The following HECTD4 variants were observed in gnomAD, a reference collection of about 807,000 sequenced individuals.
HECTD4 encodes the protein HECT domain E3 ubiquitin protein ligase 4.
In HECTD4, 114 loss-of-function variants were observed where a neutral mutation model predicts 471.5. The observed-to-expected ratio is 0.24, with a 90% CI of 0.21 to 0.28. The LOEUF is 0.28. HECTD4 is among the 10% of genes least tolerant of loss of function. The pLI is 1.00. For synonymous variants in HECTD4, 2,012 were observed against 2,256.0 expected (o/e 0.89, Z 3.07); for missense variants, 3,866 against 5,651.5 (o/e 0.68, Z 10.13).
rs763409684 is a variant in HECTD4 at position 112,239,042 on chromosome 12, G to A, written c.5290+10C>T. ...ATCAGTGAGCTCTAGAAAGGAGTCT[G>A]GCATCTCACCTTCCTCTTTTTCCCA... is the stretch of plus-strand genomic sequence containing the variant. On this transcript the variant is annotated intron_variant, in intron 34 of 75. Transcript: ENST00000682272. This position sits in a 1 kb window ranked among gnomAD's most constrained non-coding sequence, Gnocchi z 4.9. 4 of 1,605,076 alleles carry A rather than the reference G, an allele frequency of 2.5e-6. No homozygotes were observed. The highest frequency in any genetic ancestry group is 3.4e-6 in the Non-Finnish European group (4 of 1,175,776).
intron 1 of HECTD4, among the ~76,000 whole-genome samples, chr12:112,370,603 T>A (rs2036647573): frequency 6.6e-6 from 1 of 152,100 alleles, no homozygotes; most frequent in African/African-American, 2.4e-5. Flanking sequence ...AAATAGAATG[T>A]GTTATATACA....
chr12:112,234,171 A>G (rs938251178), intron 37 of HECTD4, among the ~76,000 whole-genome samples: 1 of 152,202 alleles, frequency 6.6e-6, no homozygotes, highest in African/African-American at 2.4e-5. Context: ...TCAAACTATT[A>G]AACTTTCTTA....
At chr12:112,268,478 AGGCGTGGT>A (rs2034330497) in intron 13 of HECTD4, among the ~76,000 whole-genome samples, 1 of 152,182 alleles carries the variant, frequency 6.6e-6, no homozygotes, top group African/African-American at 2.4e-5. Flanking sequence ...TGCTGAGGCC[AGGCGTGGT>A]GGCTCACACC....
chr12:112,225,327 CA>C (rs201230586), intron 44 of HECTD4, among the ~76,000 whole-genome samples: 3,122 of 61,326 alleles, frequency 0.051, 74 homozygotes, highest in African/African-American at 0.14. Context: ...TTTAAAAGAC[CA>C]AAAAAAAAAA....
chr12:112,324,308 G>A (rs1594045614), intron 1 of HECTD4, among the ~76,000 whole-genome samples: 1 of 150,542 alleles, frequency 6.6e-6, no homozygotes, highest in East Asian at 2.0e-4. Context: ...TTGTAGAGAT[G>A]GGGGTCTCCC....
rs754772382 is a variant in HECTD4, at chr12:112,228,864, T to C, written c.6520-53A>G. ...CAACCAGCTCTGACGTGTGGGCAGC[T>C]GTCTTACGAGACAAGAGGAAAAAGT... On this transcript the variant is annotated intron_variant, in intron 41 of 75. Transcript: ENST00000682272. The surrounding 1 kb of genome is among the most constrained non-coding windows in gnomAD (Gnocchi z 4.9). 44 of 1,538,486 alleles carry C rather than the reference T, an allele frequency of 2.9e-5. No homozygotes were observed. Among genetic ancestry groups the C allele is most frequent in the Non-Finnish European group, 3.6e-5 (41 of 1,129,770 alleles).
intron 5 of HECTD4, among the ~76,000 whole-genome samples, chr12:112,309,281 T>C (rs1286961222): frequency 3.3e-5 from 5 of 152,214 alleles, no homozygotes; most frequent in African/African-American, 1.2e-4. Context: ...TCACTGATAT[T>C]GTTACAAAAA....
chr12:112,244,163 T>A (rs1298321179), intron 29 of HECTD4, among the ~76,000 whole-genome samples, 154 bp from the exon 30 acceptor site: 1 of 152,168 alleles, frequency 6.6e-6, no homozygotes, highest in Admixed American at 6.5e-5. Flanking sequence ...GGTTTTTACA[T>A]CAATTTTTTA....
chr12:112,270,668 C>A (rs1176279706), intron 11 of HECTD4, among the ~76,000 whole-genome samples: 1 of 152,170 alleles, frequency 6.6e-6, no homozygotes, highest in African/African-American at 2.4e-5. Context: ...ACATAAGTAG[C>A]TACCACTTCC....
chr12:112,371,886 CAAAAAAAAAAAAA>C (rs535844706), intron 1 of HECTD4, among the ~76,000 whole-genome samples: 2 of 57,254 alleles, frequency 3.5e-5, no homozygotes, highest in South Asian at 1.2e-3. Flanking sequence ...AACTCTGTCT[CAAAAAAAAAAAAA>C]AAAAAAAAGA....
At chr12:112,359,176 C>T (rs984997311) in intron 1 of HECTD4, among the ~76,000 whole-genome samples, 1 of 151,022 alleles carries the variant, frequency 6.6e-6, no homozygotes, top group African/African-American at 2.4e-5. Flanking sequence ...GAGCAAGACT[C>T]CGTCTCAAAA....
rs1308094667 is a variant in HECTD4, at chr12:112,186,323, T to A, written c.9473-830A>T. On this transcript the variant is annotated intron_variant, in intron 60 of 75. Transcript: ENST00000682272. Reference sequence around the variant, plus strand: ...GGCATATTCTTTTTTTTTTTTTTTTTTAATTATTTTTTTAATAATTTTTTT... The same window carrying A: ...GGCATATTCTTTTTTTTTTTTTTTTATAATTATTTTTTTAATAATTTTTTT... Among the ~76,000 whole-genome samples, 7 of 148,112 alleles carry A rather than the reference T, an allele frequency of 4.7e-5. No individual in the cohort carries two copies. In the East Asian group the frequency reaches 9.9e-4, roughly 21 times the overall value.
chr12:112,308,798 A>G lies in HECTD4; in HGVS notation c.1119T>C (p.Asn373=). 1 of 1,536,058 alleles carries G rather than the reference A, an allele frequency of 6.5e-7. No individual in the cohort carries two copies. The highest frequency in any genetic ancestry group is 2.4e-5 in the East Asian group (1 of 40,922). ...SLLHRPVSFD[N]KPHSLFQVID... is the part of the protein sequence containing the mutation. ...TGACCTGGAAAAGGGAGTGAGGTTT[A>G]TTATCGAAAGAGACAGGCCGGTGGA... Residue 373 remains asparagine (N), a synonymous_variant, in exon 6 of 76, where the codon AAT becomes AAC. Coordinates refer to ENST00000682272, the MANE Select transcript of HECTD4 (RefSeq NM_001388303.1).
intron 1 of HECTD4, among the ~76,000 whole-genome samples, chr12:112,363,149 TA>T (rs1441039455): frequency 6.6e-6 from 1 of 152,194 alleles, no homozygotes; most frequent in African/African-American, 2.4e-5. Context: ...TATTAAATCT[TA>T]AAACTTCTGT....
In HECTD4 at chr12:112,257,448, T is replaced by C. The variant is rs538940601; in HGVS notation, c.3129-930A>G. Among the ~76,000 whole-genome samples the C allele has an allele frequency of 3.2e-4, 48 of 152,348 alleles. 1 individual carries two copies. The highest frequency in any genetic ancestry group is 1.1e-3 in the African/African-American group (47 of 41,576). On this transcript the variant is annotated intron_variant, in intron 20 of 75. Coordinates refer to ENST00000682272, the MANE Select transcript of HECTD4 (RefSeq NM_001388303.1). Reference sequence around the variant, plus strand: ...CATAACTGACATAATAAATTGCACATATTTAAAACATACAACTTGATAAGT... The same window carrying C: ...CATAACTGACATAATAAATTGCACACATTTAAAACATACAACTTGATAAGT...
rs767293558 is a variant in HECTD4, at chr12:112,371,515, T to TA, written c.177+10436dup. 1.7e-4 allele frequency among the ~76,000 whole-genome samples: 25 copies of TA among 151,324 alleles called. No homozygotes were observed. The East Asian group carries it at 4.8e-3, about 29-fold the overall frequency. Reference sequence around the variant, plus strand: ...GCTTGAACCCAAGAGGCGGAGGTTTTAGTGAGCCGAGATCACGCCATTGCA... The same window carrying TA: ...GCTTGAACCCAAGAGGCGGAGGTTTTAAGTGAGCCGAGATCACGCCATTGCA... On this transcript the variant is annotated intron_variant, in intron 1 of 75. Coordinates refer to ENST00000682272, the MANE Select transcript of HECTD4 (RefSeq NM_001388303.1).
intron 44 of HECTD4, among the ~76,000 whole-genome samples, chr12:112,222,397 T>C (rs1047985809): frequency 1.3e-5 from 2 of 152,200 alleles, no homozygotes; most frequent in African/African-American, 4.8e-5. Flanking sequence ...CTGGGTGTGG[T>C]GGCTCATACC....
rs191971374 is a variant in HECTD4, at chr12:112,324,057, T to C, written c.178-4315A>G. On this transcript the variant is annotated intron_variant, in intron 1 of 75. Coordinates refer to ENST00000682272, the MANE Select transcript of HECTD4 (RefSeq NM_001388303.1). The stretch of plus-strand genomic sequence containing the variant: ...TCCTTCCTTCCTTCCTTTCTTTCTT[T>C]CTTTCTTTCTTTCTTTCTTTCTTTC... Among the ~76,000 whole-genome samples, 109 of 72,274 alleles carry C rather than the reference T, an allele frequency of 1.5e-3. 18 individuals are homozygous for C. The highest frequency in any genetic ancestry group is 7.8e-3 in the East Asian group (8 of 1,022). The allele number at this position is 72,274 out of a possible 152,430, so 47.4% of individuals were successfully genotyped here. A position where few individuals can be genotyped will look rare whatever the true frequency, so the allele number is the denominator to read the frequency against.
chr12:112,364,670 AGTGAGCC>A (rs2036526229), intron 1 of HECTD4, among the ~76,000 whole-genome samples: 1 of 152,000 alleles, frequency 6.6e-6, no homozygotes, highest in African/African-American at 2.4e-5. Context: ...TCCAGACTGC[AGTGAGCC>A]GTGACTGCGC....
Sources: gnomAD v4.1 joint callset for allele counts (sites outside exome capture counted in the v4.1 genomes callset) on GRCh38, gnomAD v4.1.1 for gene constraint, Gnocchi (gnomAD v3.1) non-coding constraint, MANE v1.5 for transcripts, NCBI Gene and HGNC (gene_info 2026-07-23, HGNC 2026-07-21) for gene names.